The following SLC9A9 variants were observed in gnomAD, a reference collection of about 807,000 sequenced individuals.
SLC9A9 encodes solute carrier family 9 member A9.
SLC9A9 carries 62 observed loss-of-function variants against 77.8 expected under a neutral mutation model. The observed-to-expected ratio is 0.80, with a 90% CI of 0.65 to 0.98. SLC9A9 has a LOEUF of 0.98. SLC9A9 is among the 50% of genes least tolerant of loss of function. SLC9A9 has a pLI of 0.00. For missense variants in SLC9A9, 775 were observed against 774.9 expected, an observed-to-expected ratio of 1.00 and a Z score of 0.00; for synonymous variants, 320 against 283.5, an observed-to-expected ratio of 1.13 and a Z score of -1.29.
At chr3:143,629,678 TG>T (rs1297543353) in intron 6 of SLC9A9, among the ~76,000 whole-genome samples, 1 of 151,950 alleles carries the variant, frequency 6.6e-6, no homozygotes, top group Non-Finnish European at 1.5e-5. Context: ...CCATTTAAAT[TG>T]ACATTTGACA....
Position 143,379,758 on chromosome 3 carries a change from C to T in SLC9A9, c.1524+2302G>A, listed in dbSNP as rs561578582. Among the ~76,000 whole-genome samples, 3 of 152,202 alleles carry T rather than the reference C, an allele frequency of 2.0e-5. No homozygotes were observed. In the East Asian group the frequency reaches 5.8e-4, roughly 29 times the overall value. On this transcript the variant is annotated intron_variant, in intron 13 of 15. Coordinates refer to ENST00000316549, the MANE Select transcript of SLC9A9 (RefSeq NM_173653.4). The stretch of plus-strand genomic sequence containing the variant: ...TTTAATATATTACCAATTATTATTT[C>T]TTTATTTCCCCTTTGGCCATCAGAA...
intron 14 of SLC9A9, chr3:143,343,394 TAAG>T (rs2108466249): frequency 6.6e-6 from 1 of 152,240 alleles, no homozygotes; most frequent in South Asian, 2.1e-4. Flanking sequence ...ATTTTCAGAA[TAAG>T]ATGTTCTACC....
In SLC9A9 at chr3:143,848,196, T is replaced by C. The variant is rs748290269; in HGVS notation, c.127A>G (p.Asn43Asp). The change falls in exon 1 of 16, where the codon AAT becomes GAT. Residue 43 changes from asparagine to aspartate, a missense_variant. Transcript: ENST00000316549. The part of the protein sequence containing the change: ...LTILTIWLFK[N>D]HRFRFLHETG... ...TCATGCAAGAAGCGGAATCGATGAT[T>C]TTTAAATAACCAGATTGTCAAAATG... The C allele has an allele frequency of 6.2e-7, 1 of 1,614,014 alleles. No individual in the cohort carries two copies. Among genetic ancestry groups the C allele is most frequent in the Non-Finnish European group, 8.5e-7 (1 of 1,179,932 alleles).
chr3:143,829,418 G>A (rs1370462758), intron 2 of SLC9A9, among the ~76,000 whole-genome samples: 1 of 151,982 alleles, frequency 6.6e-6, no homozygotes, highest in Non-Finnish European at 1.5e-5. Context: ...TCACCTTCCA[G>A]TCCACCCTGC....
At chr3:143,575,500 A>T (rs1020585179) in intron 7 of SLC9A9, among the ~76,000 whole-genome samples, 1 of 152,144 alleles carries the variant, frequency 6.6e-6, no homozygotes, top group Non-Finnish European at 1.5e-5. Context: ...CTGTGGTCTA[A>T]ATTAATTTTT....
At chr3:143,530,635 C>A (rs1031371420) in intron 9 of SLC9A9, among the ~76,000 whole-genome samples, 4 of 148,858 alleles carry the variant, frequency 2.7e-5, no homozygotes, top group Non-Finnish European at 4.4e-5. Context: ...CATCAGAAAT[C>A]TGAAAAACAA....
At chr3:143,592,248 T>G (rs1024714381) in intron 6 of SLC9A9, among the ~76,000 whole-genome samples, 1 of 152,214 alleles carries the variant, frequency 6.6e-6, no homozygotes. Flanking sequence ...CCTTGGTGGC[T>G]GGGCGCAGTG....
At chr3:143,392,781 A>G (rs1237500142) in intron 12 of SLC9A9, among the ~76,000 whole-genome samples, 2 of 152,166 alleles carry the variant, frequency 1.3e-5, no homozygotes, top group Non-Finnish European at 2.9e-5. Context: ...GGAAAACAAA[A>G]AAGGCAGGGG....
chr3:143,396,339 C>T (rs888659620), intron 12 of SLC9A9, among the ~76,000 whole-genome samples: 19 of 128,486 alleles, frequency 1.5e-4, no homozygotes, highest in East Asian at 6.9e-4. Context: ...AGCAAACTAT[C>T]GCAAGGATAA....
At chr3:143,391,171 C>A (rs981029140) in intron 12 of SLC9A9, among the ~76,000 whole-genome samples, 4 of 152,202 alleles carry the variant, frequency 2.6e-5, no homozygotes, top group African/African-American at 4.8e-5. Context: ...GGTCCCTGAC[C>A]CCTGAGTAGC....
chr3:143,477,013 T>C (rs748380786), intron 11 of SLC9A9, among the ~76,000 whole-genome samples: 3 of 152,226 alleles, frequency 2.0e-5, no homozygotes, highest in Non-Finnish European at 4.4e-5. Context: ...TTATAAATAA[T>C]GACAATATTC....
chr3:143,377,731 G>T (rs1476738981), intron 13 of SLC9A9, among the ~76,000 whole-genome samples: 6 of 152,156 alleles, frequency 3.9e-5, no homozygotes. Flanking sequence ...TATTTTAATG[G>T]GCTAATTCTA....
chr3:143,348,538 G>A (rs1412120214), intron 14 of SLC9A9, among the ~76,000 whole-genome samples: 3 of 152,152 alleles, frequency 2.0e-5, no homozygotes, highest in Admixed American at 2.0e-4. Context: ...GGTTCCAAGT[G>A]TAAAACAGAG....
chr3:143,427,848 A>G (rs754143566), intron 12 of SLC9A9, among the ~76,000 whole-genome samples: 5 of 152,188 alleles, frequency 3.3e-5, no homozygotes, highest in Non-Finnish European at 7.3e-5. Flanking sequence ...TTCAGAAACC[A>G]CAACTTGGTA....
At chr3:143,390,992 C>T (rs2033552149) in intron 12 of SLC9A9, among the ~76,000 whole-genome samples, 1 of 152,336 alleles carries the variant, frequency 6.6e-6, no homozygotes, top group African/African-American at 2.4e-5. Context: ...CTCAAGGAGG[C>T]CTGCCTGCCT....
At chr3:143,509,025 A>G (rs922768686) in intron 9 of SLC9A9, among the ~76,000 whole-genome samples, 1 of 152,236 alleles carries the variant, frequency 6.6e-6, no homozygotes, top group African/African-American at 2.4e-5. Context: ...ACAAACAGTT[A>G]AAACTCATTG....
At chr3:143,285,977 TGAG>T (rs1938370218) in intron 14 of SLC9A9, among the ~76,000 whole-genome samples, 1 of 152,078 alleles carries the variant, frequency 6.6e-6, no homozygotes, top group African/African-American at 2.4e-5. Context: ...AGAATACAGT[TGAG>T]GAAGTATGGG....
intron 14 of SLC9A9, among the ~76,000 whole-genome samples, chr3:143,298,590 A>G (rs1429963382): frequency 6.6e-6 from 1 of 152,252 alleles, no homozygotes; most frequent in Non-Finnish European, 1.5e-5. Context: ...CTGGTTAAGA[A>G]TAGATTTCTA....
chr3:143,573,199 T>A (rs925707138), intron 8 of SLC9A9, among the ~76,000 whole-genome samples: 2 of 152,154 alleles, frequency 1.3e-5, no homozygotes, highest in African/African-American at 4.8e-5. Context: ...TATTTAGACT[T>A]AAAGTATCAC....
Sources: gnomAD v4.1 joint callset for allele counts (sites outside exome capture counted in the v4.1 genomes callset) on GRCh38, gnomAD v4.1.1 for gene constraint, MANE v1.5 for transcripts, NCBI Gene and HGNC (gene_info 2026-07-23, HGNC 2026-07-21) for gene names.